The following GRAMD1B variants were observed in gnomAD, a reference collection of about 807,000 sequenced individuals.
GRAMD1B encodes the protein GRAM domain containing 1B.
A neutral mutation model predicts 99.7 loss-of-function variants in GRAMD1B; 37 were observed. The ratio of observed to expected loss-of-function variants is 0.37; its 90% CI spans 0.29 to 0.49. The LOEUF is 0.49. GRAMD1B is among the 20% of genes least tolerant of loss of function. GRAMD1B has a pLI of 0.98. For missense variants in GRAMD1B, 888 were observed against 1,009.2 expected, an observed-to-expected ratio of 0.88 and a Z score of 1.63; for synonymous variants, 427 against 387.6, an observed-to-expected ratio of 1.10 and a Z score of -1.19.
intron 3 of GRAMD1B, 108 bp downstream of exon 3, chr11:123,577,685 C>T: frequency 1.3e-6 from 1 of 791,004 alleles, no homozygotes; most frequent in Non-Finnish European, 2.1e-6. Context: ...TGATGAACAG[C>T]CCTGATGGCT....
chr11:123,504,283 C>A (rs530594722), intron 2 of GRAMD1B, among the ~76,000 whole-genome samples: 2 of 152,332 alleles, frequency 1.3e-5, no homozygotes, highest in Non-Finnish European at 2.9e-5. Flanking sequence ...GGGAGGCTGA[C>A]AGCTTCCACT....
At chr11:123,361,138 A>G (rs1946135079) in intron 1 of GRAMD1B, among the ~76,000 whole-genome samples, 1 of 151,970 alleles carries the variant, frequency 6.6e-6, no homozygotes, top group Admixed American at 6.6e-5. Flanking sequence ...TTCTAAGGAG[A>G]TGGCATTTGT....
At chr11:123,525,023 A>T (rs1354492538) in intron 2 of GRAMD1B, among the ~76,000 whole-genome samples, 1 of 152,142 alleles carries the variant, frequency 6.6e-6, no homozygotes, top group African/African-American at 2.4e-5. Context: ...TAGAGTTGAA[A>T]ATCCTGGTCC....
intron 2 of GRAMD1B, among the ~76,000 whole-genome samples, chr11:123,484,867 A>G (rs902577889): frequency 6.6e-6 from 1 of 152,170 alleles, no homozygotes; most frequent in Non-Finnish European, 1.5e-5. Context: ...CTACCCAGTT[A>G]AGAGTCTCCA....
At chr11:123,578,731 G>T (rs893724319) in intron 3 of GRAMD1B, among the ~76,000 whole-genome samples, 1 of 152,154 alleles carries the variant, frequency 6.6e-6, no homozygotes, top group South Asian at 2.1e-4. Context: ...TACATGGTGC[G>T]GTCGAGAAAC....
rs117866945 is a variant in GRAMD1B at position 123,607,160 on chromosome 11, C to T, written c.1513+362C>T. 8.5e-3 allele frequency among the ~76,000 whole-genome samples: 1,297 copies of T among 152,270 alleles called. 13 individuals are homozygous for T. The highest frequency in any genetic ancestry group is 0.024 in the Middle Eastern group (7 of 294). ...GGAAATAATTAGATTTTAACAGAAA[C>T]GTCCTCAAGATAGCTGCGAAACTTG... On this transcript the variant is annotated intron_variant, in intron 11 of 19. Coordinates refer to ENST00000635736, the MANE Select transcript of GRAMD1B (RefSeq NM_001387025.1).
At chr11:123,365,788 C>T (rs1026715413) in intron 1 of GRAMD1B, among the ~76,000 whole-genome samples, 6 of 152,202 alleles carry the variant, frequency 3.9e-5, no homozygotes, top group African/African-American at 1.4e-4. Context: ...ATGTTACTCA[C>T]TGCCAAGTTT....
rs113127081 is a variant in GRAMD1B, at chr11:123,445,980, C to A, written c.374+14814C>A. On this transcript the variant is annotated intron_variant, in intron 1 of 19. Coordinates refer to ENST00000635736, the MANE Select transcript of GRAMD1B (RefSeq NM_001387025.1). ...CTGAAATCCCCCACAGTACAATCCACACTCATGTTCTCTTGTTTTGTGAAG... is the reference window on the plus strand; with the variant it reads ...CTGAAATCCCCCACAGTACAATCCAAACTCATGTTCTCTTGTTTTGTGAAG... 6.7e-3 allele frequency among the ~76,000 whole-genome samples: 1,024 copies of A among 152,212 alleles called. 11 individuals carry two copies. The highest frequency in any genetic ancestry group is 0.023 in the African/African-American group (946 of 41,532).
At position 123,560,072 on chromosome 11, in the gene GRAMD1B, C is replaced by G. The variant is rs369854359; in HGVS notation, c.453-17295C>G. ...GAGGGTGAAGAGGAAATAACCCCCCCCCCCGCAGCCCCAGCGGCTCTGTCC... is the reference window on the plus strand; with the variant it reads ...GAGGGTGAAGAGGAAATAACCCCCCGCCCCGCAGCCCCAGCGGCTCTGTCC... On this transcript the variant is annotated intron_variant, in intron 2 of 19. Coordinates refer to ENST00000635736, the MANE Select transcript of GRAMD1B (RefSeq NM_001387025.1). Among the ~76,000 whole-genome samples, 1,108 of 150,682 alleles carry G rather than the reference C, an allele frequency of 7.4e-3. 18 individuals carry two copies. The highest frequency in any genetic ancestry group is 7.4e-3 in the Non-Finnish European group (501 of 67,856).
chr11:123,424,911 C>T (rs1948594740), intron 1 of GRAMD1B, among the ~76,000 whole-genome samples: 2 of 152,198 alleles, frequency 1.3e-5, no homozygotes, highest in Admixed American at 1.3e-4. Context: ...GTAACAACTA[C>T]TTGTAGAATT....
chr11:123,447,097 G>C (rs1317948042), intron 1 of GRAMD1B, among the ~76,000 whole-genome samples: 1 of 152,086 alleles, frequency 6.6e-6, no homozygotes, highest in East Asian at 1.9e-4. Flanking sequence ...ATGGCATTCA[G>C]ACTAAAGCAT....
intron 1 of GRAMD1B, among the ~76,000 whole-genome samples, chr11:123,367,172 T>C (rs1228668509): frequency 1.3e-5 from 2 of 152,144 alleles, no homozygotes; most frequent in African/African-American, 4.8e-5. Context: ...CACTGTGCTC[T>C]AGCCTGGGCA....
intron 2 of GRAMD1B, among the ~76,000 whole-genome samples, chr11:123,528,780 T>G (rs1051847017): frequency 2.0e-5 from 3 of 152,218 alleles, no homozygotes; most frequent in African/African-American, 7.2e-5. Context: ...TCTCATTTGA[T>G]TCTTACTATA....
At position 123,595,952 on chromosome 11, in the gene GRAMD1B, G is replaced by C. The variant is rs1021191097; in HGVS notation, c.884G>C (p.Arg295Pro). The change falls in exon 7 of 20, where the codon CGT becomes CCT. Residue 295 changes from arginine (R) to proline (P), a missense_variant. Coordinates refer to ENST00000635736, the MANE Select transcript of GRAMD1B (RefSeq NM_001387025.1). Reference protein sequence around the residue: ...IFRWETLLTVRLKDICSMTKE... With the variant: ...IFRWETLLTVPLKDICSMTKE... ...CCTCTTGGATGCCAGCTGACAGTCC[G>C]TTTGAAAGACATCTGTTCCATGACT... is the stretch of plus-strand genomic sequence containing the variant. 1 of 1,602,298 alleles carries C rather than the reference G, an allele frequency of 6.2e-7. No homozygotes were observed. Among genetic ancestry groups the C allele is most frequent in the Non-Finnish European group, 8.5e-7 (1 of 1,172,964 alleles).
intron 2 of GRAMD1B, among the ~76,000 whole-genome samples, chr11:123,536,976 G>C (rs924526802): frequency 6.6e-6 from 1 of 152,190 alleles, no homozygotes; most frequent in Non-Finnish European, 1.5e-5. Flanking sequence ...TCAGACCTTC[G>C]GGGGCTTCAT....
At position 123,619,177 on chromosome 11, in the gene GRAMD1B, C is replaced by A; in HGVS notation, c.2497C>A (p.Gln833Lys). ...SQQKYHDTEL[Q>K]KWREIIKSSV... ...ACAAAAGTACCACGATACTGAGCTC[C>A]AAAAATGGAGGGAAATCATCAAATC... The change falls in exon 19 of 20, where the codon CAA becomes AAA. Residue 833 changes from glutamine to lysine, a missense_variant. Coordinates refer to ENST00000635736, the MANE Select transcript of GRAMD1B (RefSeq NM_001387025.1). 6.4e-7 allele frequency: 1 copy of A among 1,569,118 alleles called. No homozygotes were observed. Among genetic ancestry groups the A allele is most frequent in the East Asian group, 2.4e-5 (1 of 42,278 alleles).
At chr11:123,362,994 G>A (rs1341724880) in intron 1 of GRAMD1B, among the ~76,000 whole-genome samples, 1 of 152,148 alleles carries the variant, frequency 6.6e-6, no homozygotes, top group African/African-American at 2.4e-5. Flanking sequence ...AGCCAAAGAG[G>A]AGGAGGGAGA....
intron 2 of GRAMD1B, among the ~76,000 whole-genome samples, chr11:123,539,284 G>T (rs1365222575): frequency 6.6e-6 from 1 of 152,026 alleles, no homozygotes; most frequent in Non-Finnish European, 1.5e-5. Context: ...TGTCATACAA[G>T]TAACATTACC....
Position 123,447,762 on chromosome 11 carries a change from C to T in GRAMD1B, c.374+16596C>T, listed in dbSNP as rs138616497. Among the ~76,000 whole-genome samples, 1,073 of 152,270 alleles carry T rather than the reference C, an allele frequency of 7.0e-3. 13 individuals are homozygous for T. Among genetic ancestry groups the T allele is most frequent in the African/African-American group, 0.024 (989 of 41,546 alleles). On this transcript the variant is annotated intron_variant, in intron 1 of 19. Transcript: ENST00000635736. ...TTTACAAAAGCAAAGACATTTGTGC[C>T]TATCTATGAGGCCTCCAAGTCTGCT...
Sources: allele counts gnomAD v4.1 joint callset (sites outside exome capture counted in the v4.1 genomes callset), GRCh38; gene constraint gnomAD v4.1.1; transcripts MANE v1.5; gene names NCBI Gene and HGNC (gene_info 2026-07-23, HGNC 2026-07-21).